VWA3A: variants seen among roughly 807,000 people sequenced by gnomAD.
VWA3A encodes the protein von Willebrand factor A domain-containing protein 3A.
A neutral mutation model predicts 160.4 loss-of-function variants in VWA3A; 134 were observed. The ratio of observed to expected loss-of-function variants is 0.84; its 90% CI spans 0.73 to 0.96. VWA3A has a LOEUF of 0.96. VWA3A is among the 40% of genes least tolerant of loss of function. The probability of loss-of-function intolerance (pLI) is 0.00; values close to 1 mark genes in which losing one functional copy is unlikely to be tolerated. For synonymous variants in VWA3A, 476 were observed against 543.4 expected (o/e 0.88, Z 1.72); for missense variants, 1,310 against 1,447.9 (o/e 0.90, Z 1.55).
intron 21 of VWA3A, among the ~76,000 whole-genome samples, chr16:22,137,646 G>T (rs2046069668): frequency 1.3e-5 from 2 of 152,172 alleles, no homozygotes; most frequent in Admixed American, 1.3e-4. Context: ...CTCAAATTTG[G>T]TGTTAAGGTT....
At chr16:22,101,781 A>C (rs2045411741) in intron 5 of VWA3A, among the ~76,000 whole-genome samples, 1 of 152,268 alleles carries the variant, frequency 6.6e-6, no homozygotes. Context: ...CAGGTTTTAA[A>C]GAATTCTGCA....
chr16:22,144,991 AAGAATGC>A, intron 26 of VWA3A, among the ~76,000 whole-genome samples: 1 of 152,180 alleles, frequency 6.6e-6, no homozygotes, highest in Non-Finnish European at 1.5e-5. Context: ...GTTCACCCAT[AAGAATGC>A]TGTACCCCAA....
At chr16:22,109,401 C>G in intron 6 of VWA3A, 81 bp from the exon 7 acceptor site, 1 of 1,179,388 alleles carries the variant, frequency 8.5e-7, no homozygotes, top group Non-Finnish European at 1.2e-6. Flanking sequence ...GTGTTTGCAT[C>G]ACTGCGTGGC....
intron 27 of VWA3A, among the ~76,000 whole-genome samples, chr16:22,146,869 A>T (rs1377500839): frequency 1.3e-5 from 2 of 152,072 alleles, no homozygotes; most frequent in Non-Finnish European, 2.9e-5. Context: ...GCTCACACGC[A>T]TCCCAGCCTG....
intron 17 of VWA3A, among the ~76,000 whole-genome samples, chr16:22,129,912 G>A (rs914143767): frequency 6.6e-6 from 1 of 152,130 alleles, no homozygotes; most frequent in African/African-American, 2.4e-5. Flanking sequence ...TGAAGGTCGG[G>A]CGCGGTGGCT....
chr16:22,109,428 T>A, intron 6 of VWA3A, 54 bp from the exon 7 acceptor site: 1 of 1,432,114 alleles, frequency 7.0e-7, no homozygotes, highest in South Asian at 1.2e-5. Flanking sequence ...CAGCTCAGTG[T>A]AGGAGACACA....
chr16:22,103,625 A>G, intron 6 of VWA3A, 96 bp downstream of exon 6: 1 of 1,421,502 alleles, frequency 7.0e-7, no homozygotes, highest in East Asian at 2.5e-5. Context: ...TCCAATATAA[A>G]TTGCTTAAGC....
In VWA3A at chr16:22,125,406, GTGTTTTGTTT is replaced by G. The variant is rs112076824; in HGVS notation, c.1533-746_1533-737del. Among the ~76,000 whole-genome samples the G allele has an allele frequency of 4.7e-3, 697 of 149,102 alleles. 6 individuals carry two copies. Among genetic ancestry groups the G allele is most frequent in the African/African-American group, 0.012 (467 of 39,974 alleles). On this transcript the variant is annotated intron_variant, in intron 16 of 33. Coordinates refer to ENST00000389398, the MANE Select transcript of VWA3A (RefSeq NM_173615.5). Reference sequence around the variant, plus strand: ...CTAAATATATATATATTTGTTGTGTGTGTTTTGTTTTGTTTTGTTTTGTTTTGTTTTGTTT... The same window carrying G: ...CTAAATATATATATATTTGTTGTGTGTGTTTTGTTTTGTTTTGTTTTGTTT...
At position 22,148,271 on chromosome 16, in the gene VWA3A, G is replaced by A. The variant is rs1252648497; in HGVS notation, c.2949G>A (p.Leu983=). The A allele has an allele frequency of 2.5e-6, 4 of 1,597,668 alleles. No homozygotes were observed. The highest frequency in any genetic ancestry group is 3.4e-6 in the Non-Finnish European group (4 of 1,172,454). The change falls in exon 28 of 34, where the codon TTG becomes TTA. Residue 983 remains leucine, a synonymous_variant. Coordinates refer to ENST00000389398, the MANE Select transcript of VWA3A (RefSeq NM_173615.5). ...AGCAGGTGAAGACAGAGCTGGTTTT[G>A]CTGATTTGGGAACAGCTGCGGAAGT... is the stretch of plus-strand genomic sequence containing the variant. The part of the protein sequence containing the change: ...YLQQVKTELV[L]LIWEQLRKCC...
At chr16:22,122,190 T>C (rs1391549585) in intron 14 of VWA3A, among the ~76,000 whole-genome samples, 1 of 121,624 alleles carries the variant, frequency 8.2e-6, no homozygotes, top group African/African-American at 3.3e-5. Flanking sequence ...AGTGGATGGA[T>C]AGATAGATGG....
Position 22,150,684 on chromosome 16 carries a change from C to T in VWA3A, c.3130-11C>T, listed in dbSNP as rs778427570. 20 of 1,601,304 alleles carry T rather than the reference C, an allele frequency of 1.2e-5. No homozygotes were observed. In the African/African-American group the frequency reaches 2.0e-4, roughly 16 times the overall value. On this transcript the variant is annotated splice_polypyrimidine_tract_variant and intron_variant, in intron 29 of 33. Coordinates refer to ENST00000389398, the MANE Select transcript of VWA3A (RefSeq NM_173615.5). Reference sequence around the variant, plus strand: ...TCCCCTGAGCCTGACAGCCTTCCTGCGTTCTTTCAGAAAGCTTTCAGTTTC... The same window carrying T: ...TCCCCTGAGCCTGACAGCCTTCCTGTGTTCTTTCAGAAAGCTTTCAGTTTC...
rs2045662820 is a variant in VWA3A at position 22,117,148 on chromosome 16, A to G, written c.962A>G (p.Tyr321Cys). 1 of 1,584,412 alleles carries G rather than the reference A, an allele frequency of 6.3e-7. No homozygotes were observed. Residue 321 changes from tyrosine to cysteine, a missense_variant, in exon 11 of 34, where the codon TAC (tyrosine) becomes TGC (cysteine). By Grantham distance (194) the Tyr-to-Cys change is radical. Coordinates refer to ENST00000389398, the MANE Select transcript of VWA3A (RefSeq NM_173615.5). ...AACCTTGCAGAAGCTGTTAGGGGCT[A>G]CTACCACTGCTACAGCCCAAAGATG... ...LKNLAEAVRG[Y>C]YHCYSPKMEH...
At chr16:22,152,304 C>T (rs2046362908) in intron 30 of VWA3A, among the ~76,000 whole-genome samples, 1 of 152,122 alleles carries the variant, frequency 6.6e-6, no homozygotes, top group Admixed American at 6.6e-5. Context: ...ACTCCTCTTC[C>T]CTCAAGCAGC....
intron 30 of VWA3A, 124 bp from the exon 31 acceptor site, chr16:22,152,387 C>A: frequency 1.6e-6 from 2 of 1,278,630 alleles, no homozygotes; most frequent in Non-Finnish European, 2.1e-6. Flanking sequence ...GGACAAGCCA[C>A]GGCCCATTGC....
At chr16:22,149,959 G>A (rs767896193) in intron 29 of VWA3A, 28 bp downstream of exon 29, 11 of 1,581,838 alleles carry the variant, frequency 7.0e-6, no homozygotes, top group Non-Finnish European at 9.5e-6. Context: ...GCCCGACCTT[G>A]ACGCAAAACA....
rs1391927558 is a variant in VWA3A at position 22,123,663 on chromosome 16, C to T, written c.1488C>T (p.Leu496=). 1 of 1,613,854 alleles carries T rather than the reference C, an allele frequency of 6.2e-7. No individual in the cohort carries two copies. The change falls in exon 16 of 34, where the codon CTC becomes CTT. Residue 496 remains leucine, a synonymous_variant. Coordinates refer to ENST00000389398, the MANE Select transcript of VWA3A (RefSeq NM_173615.5). ...TGTATGAGAGGCGGATTGAGTGGCT[C>T]TCCCTGGCCAGCAGAAGAATCTGGG... ...MRMYERRIEW[L]SLASRRIWGT...
intron 17 of VWA3A, among the ~76,000 whole-genome samples, chr16:22,130,870 TA>T (rs11322884): frequency 0.41 from 59,736 of 147,388 alleles, 14,889 homozygotes; most frequent in East Asian, 0.74. Flanking sequence ...GATGTGTATT[TA>T]AAAAAAAAAA....
intron 1 of VWA3A, among the ~76,000 whole-genome samples, chr16:22,094,324 T>G (rs1459241449): frequency 3.3e-5 from 5 of 152,008 alleles, no homozygotes; most frequent in Non-Finnish European, 7.4e-5. Context: ...AGCCAGTTTT[T>G]TTTTTTTTTT....
At chr16:22,105,347 A>G (rs2045468810) in intron 6 of VWA3A, among the ~76,000 whole-genome samples, 1 of 152,128 alleles carries the variant, frequency 6.6e-6, no homozygotes, top group Non-Finnish European at 1.5e-5. Context: ...TCACCTGTAA[A>G]TCAGCTTACC....
Sources: allele counts gnomAD v4.1 joint callset (sites outside exome capture counted in the v4.1 genomes callset), GRCh38; gene constraint gnomAD v4.1.1; transcripts MANE v1.5; gene names NCBI Gene and HGNC (gene_info 2026-07-23, HGNC 2026-07-21).